Variants in PCYT1B observed in about 807,000 individuals in gnomAD.
The protein encoded by PCYT1B is choline-phosphate cytidylyltransferase B.
Under a neutral mutation model 26.4 loss-of-function variants are expected in PCYT1B, and 10 were observed. That is an observed-to-expected ratio of 0.38 (90% confidence interval 0.23 to 0.64). PCYT1B has a LOEUF of 0.64. PCYT1B is among the 30% of genes least tolerant of loss of function. The probability of loss-of-function intolerance (pLI) is 0.56; values close to 1 mark genes in which losing one functional copy is unlikely to be tolerated. For synonymous variants in PCYT1B, 131 were observed against 108.4 expected (o/e 1.21, Z -1.29); for missense variants, 161 against 292.7 (o/e 0.55, Z 3.28).
In PCYT1B at chrX:24,613,950, CAAAAAAAAAAAAA is replaced by C. The variant is rs200062439; in HGVS notation, c.217+5022_217+5034del. ...CCTGGGTGACAGAGCAACAACCTGTCAAAAAAAAAAAAAAAAAAAAAAAAAAAAGAAAGAAAGA... is the reference window on the plus strand; with the variant it reads ...CCTGGGTGACAGAGCAACAACCTGTCAAAAAAAAAAAAAAAGAAAGAAAGA... On this transcript the variant is annotated intron_variant, in intron 2 of 7. Coordinates refer to ENST00000379144, the MANE Select transcript of PCYT1B (RefSeq NM_004845.5). Among the ~76,000 whole-genome samples, 11 of 77,217 alleles carry C rather than the reference CAAAAAAAAAAAAA, an allele frequency of 1.4e-4. No homozygotes were observed. The East Asian group carries it at 2.7e-3, about 19-fold the overall frequency. 67.1% of individuals were successfully genotyped at this position (77,217 alleles called of 115,157 possible). A position where few individuals can be genotyped will look rare whatever the true frequency, so the allele number is the denominator to read the frequency against.
rs111548050 is a variant in PCYT1B, at chrX:24,575,154, T to C, written c.873A>G (p.Glu291=). The C allele has an allele frequency of 1.7e-6, 2 of 1,205,902 alleles. No homozygotes were observed. Among genetic ancestry groups the C allele is most frequent in the Non-Finnish European group, 2.2e-6 (2 of 892,633 alleles). The change falls in exon 7 of 8, where the codon GAA becomes GAG. Residue 291 remains glutamate (E), a synonymous_variant. Transcript: ENST00000379144. ...KSREFIGNFL[E]LFGPDGAWKQ... ...CCCATGCTCCATCAGGTCCAAACAG[T>C]TCTAGGAAGTTGCCAATGAATTCCC...
intron 7 of PCYT1B, among the ~76,000 whole-genome samples, chrX:24,563,511 C>T (rs1923508023): frequency 9.0e-6 from 1 of 111,560 alleles, no homozygotes; most frequent in African/African-American, 3.3e-5. Flanking sequence ...CTGAGGGAGG[C>T]GGTTGGGAAG....
chrX:24,562,302 A>G lies in PCYT1B; in HGVS notation c.1101T>C (p.Asp367=). The G allele has an allele frequency of 8.7e-7, 1 of 1,154,335 alleles. No individual in the cohort carries two copies. The highest frequency in any genetic ancestry group is 1.2e-6 in the Non-Finnish European group (1 of 866,548). Residue 367 remains aspartate (D), a synonymous_variant, in exon 8 of 8, where the codon GAT becomes GAC. Coordinates refer to ENST00000379144, the MANE Select transcript of PCYT1B (RefSeq NM_004845.5). ...SISSMSEGDE[D]EK is the part of the protein sequence containing the mutation. Reference sequence around the variant, plus strand: ...TGCCTCCCAGCAGCCTCTACTTTTCATCCTCATCCCCCTCGCTCATGCTGC... The same window carrying G: ...TGCCTCCCAGCAGCCTCTACTTTTCGTCCTCATCCCCCTCGCTCATGCTGC...
intron 1 of PCYT1B, among the ~76,000 whole-genome samples, chrX:24,654,555 A>T (rs968172151): frequency 1.9e-5 from 2 of 104,668 alleles, no homozygotes; most frequent in African/African-American, 3.5e-5. Context: ...GTTCGAGACC[A>T]GACTGGGTAA....
At chrX:24,669,501 G>GAAA (rs60562762) in intron 1 of PCYT1B, among the ~76,000 whole-genome samples, 8 of 31,549 alleles carry the variant, frequency 2.5e-4, no homozygotes, top group African/African-American at 9.8e-4. Flanking sequence ...CTTCGTCTCA[G>GAAA]AAAAAAAAAA....
At chrX:24,624,122 A>G (rs1180303150) in intron 1 of PCYT1B, among the ~76,000 whole-genome samples, 1 of 109,676 alleles carries the variant, frequency 9.1e-6, no homozygotes, top group African/African-American at 3.3e-5. Context: ...GGAGCCCGCC[A>G]CCACACCCGG....
At chrX:24,641,074 C>T (rs1926451940) in intron 1 of PCYT1B, among the ~76,000 whole-genome samples, 2 of 111,543 alleles carry the variant, frequency 1.8e-5, no homozygotes, top group Non-Finnish European at 3.8e-5. Flanking sequence ...GCTGGGATTA[C>T]AGGAGCACAC....
chrX:24,653,946 G>A (rs911883526), intron 1 of PCYT1B, among the ~76,000 whole-genome samples: 5 of 106,970 alleles, frequency 4.7e-5, no homozygotes, highest in Admixed American at 1.0e-4. Flanking sequence ...TAGTAGAGGC[G>A]GGTTTTCACC....
chrX:24,587,195 G>T, intron 5 of PCYT1B, 46 bp downstream of exon 5: 1 of 894,232 alleles, frequency 1.1e-6, no homozygotes, highest in Non-Finnish European at 1.6e-6. Flanking sequence ...TATTGCACCT[G>T]ATTATTGTGA....
chrX:24,672,646 C>A (rs1927279068), exon 1 of PCYT1B: 2 of 1,175,743 alleles, frequency 1.7e-6, no homozygotes, highest in South Asian at 3.6e-5. Context: ...TGCTCCTGAT[C>A]TTTTTATCTT....
intron 6 of PCYT1B, 116 bp downstream of exon 6, chrX:24,579,200 A>AAAGT: frequency 2.0e-6 from 1 of 499,846 alleles, no homozygotes. Context: ...AAAAAAAAAA[A>AAAGT]GAGAGAGAGA....
chrX:24,575,104 TG>T, intron 7 of PCYT1B, 25 bp downstream of exon 7: 1 of 1,117,466 alleles, frequency 8.9e-7, no homozygotes, highest in Non-Finnish European at 1.2e-6. Context: ...CTCATCATTG[TG>T]GGGTAAAGTG....
chrX:24,573,163 C>CAT (rs1205089081), intron 7 of PCYT1B, among the ~76,000 whole-genome samples: 1 of 24,591 alleles, frequency 4.1e-5, no homozygotes, highest in African/African-American at 9.1e-5. Context: ...CACACACACA[C>CAT]ATATATATAT....
intron 1 of PCYT1B, among the ~76,000 whole-genome samples, chrX:24,634,225 T>C (rs1926201396): frequency 8.9e-6 from 1 of 112,156 alleles, no homozygotes; most frequent in South Asian, 3.7e-4. Context: ...GGCCTTCTAA[T>C]TCTGATATAT....
At chrX:24,618,046 G>A (rs1418110946) in intron 2 of PCYT1B, among the ~76,000 whole-genome samples, 1 of 111,310 alleles carries the variant, frequency 9.0e-6, no homozygotes, top group African/African-American at 3.3e-5. Context: ...TAACCCCTAA[G>A]CACCTGCACA....
intron 2 of PCYT1B, among the ~76,000 whole-genome samples, chrX:24,616,055 C>A (rs1472947815): frequency 7.2e-5 from 8 of 110,849 alleles, no homozygotes; most frequent in African/African-American, 2.3e-4. Context: ...TAATAGTCAT[C>A]TCACATGGTC....
chrX:24,666,117 A>G (rs1417656694), intron 1 of PCYT1B, among the ~76,000 whole-genome samples: 1 of 111,561 alleles, frequency 9.0e-6, no homozygotes, highest in Non-Finnish European at 1.9e-5. Flanking sequence ...TCCATCCAAC[A>G]TTGATCCATG....
Position 24,560,631 on chromosome X carries a change from A to G in PCYT1B, c.*1662T>C, listed in dbSNP as rs1286485052. ...GCAGACAGCACTCATCTCCAAGTGGATAGGGAGGTAGTTCAACCCCAACAA... is the reference window on the plus strand; with the variant it reads ...GCAGACAGCACTCATCTCCAAGTGGGTAGGGAGGTAGTTCAACCCCAACAA... On this transcript the variant is annotated 3_prime_UTR_variant, in exon 8 of 8. Transcript: ENST00000379144. 2 of 111,571 alleles carry G rather than the reference A, an allele frequency of 1.8e-5. No homozygotes were observed. The highest frequency in any genetic ancestry group is 1.9e-4 in the Admixed American group (2 of 10,455). 9.2% of individuals were successfully genotyped at this position (111,571 alleles called of 1,213,427 possible). A position where few individuals can be genotyped will look rare whatever the true frequency, so the allele number is the denominator to read the frequency against.
chrX:24,564,009 C>G (rs779797852), intron 7 of PCYT1B, among the ~76,000 whole-genome samples: 2 of 110,755 alleles, frequency 1.8e-5, no homozygotes, highest in South Asian at 7.9e-4. Context: ...TGGTGAAACC[C>G]TTTCTCTACT....
Sources: allele counts gnomAD v4.1 joint callset (sites outside exome capture counted in the v4.1 genomes callset), GRCh38; gene constraint gnomAD v4.1.1; transcripts MANE v1.5; gene names NCBI Gene and HGNC (gene_info 2026-07-23, HGNC 2026-07-21).